The following EBF1 variants were observed in gnomAD, a reference collection of about 807,000 sequenced individuals.
EBF1 encodes the protein EBF transcription factor 1.
EBF1 carries 10 observed loss-of-function variants against 68.4 expected under a neutral mutation model. The observed-to-expected ratio is 0.15, with a 90% CI of 0.09 to 0.25. The LOEUF is 0.25. Ranked by LOEUF, EBF1 falls within the 10% of genes least tolerant of loss-of-function variation. The pLI, the probability that EBF1 is intolerant of heterozygous loss-of-function variation, is 1.00. For missense variants in EBF1, 509 were observed against 794.4 expected (o/e 0.64, Z 4.32); for synonymous variants, 298 against 299.8 (o/e 0.99, Z 0.06).
At chr5:158,761,217 A>G (rs181525965) in intron 10 of EBF1, among the ~76,000 whole-genome samples, 2 of 152,324 alleles carry the variant, frequency 1.3e-5, no homozygotes, top group African/African-American at 2.4e-5. Flanking sequence ...AGATAACTCT[A>G]TGCACCTTGG....
intron 9 of EBF1, among the ~76,000 whole-genome samples, chr5:158,779,451 T>G (rs1435677788): frequency 1.3e-5 from 2 of 152,158 alleles, no homozygotes; most frequent in African/African-American, 4.8e-5. Flanking sequence ...CCAAAGACTT[T>G]GTGTGTGTGT....
intron 5 of EBF1, among the ~76,000 whole-genome samples, chr5:159,082,953 A>G (rs1010857394): frequency 6.6e-6 from 1 of 152,268 alleles, no homozygotes; most frequent in African/African-American, 2.4e-5. Context: ...TTTAAAAACA[A>G]GAAAAATATA....
intron 6 of EBF1, among the ~76,000 whole-genome samples, chr5:159,000,530 G>A (rs1762329225): frequency 6.6e-6 from 1 of 152,038 alleles, no homozygotes; most frequent in Admixed American, 6.6e-5. Flanking sequence ...CTTGTGTATT[G>A]CAAACATTTT....
chr5:158,763,690 T>C (rs1772017406), intron 10 of EBF1, among the ~76,000 whole-genome samples: 1 of 152,188 alleles, frequency 6.6e-6, no homozygotes, highest in Non-Finnish European at 1.5e-5. Context: ...AAAGAGTTTA[T>C]CAAACGACCA....
intron 9 of EBF1, among the ~76,000 whole-genome samples, chr5:158,780,787 A>G (rs1287647580): frequency 1.3e-5 from 2 of 152,184 alleles, no homozygotes; most frequent in Non-Finnish European, 2.9e-5. Flanking sequence ...AGGAGTGATG[A>G]AAAGAGAAAC....
chr5:158,709,687 C>A (rs753015647), intron 14 of EBF1, among the ~76,000 whole-genome samples: 1 of 152,214 alleles, frequency 6.6e-6, no homozygotes, highest in Non-Finnish European at 1.5e-5. Context: ...GAGCCACCAT[C>A]CTCAGAGTTT....
chr5:158,707,782 G>A, intron 15 of EBF1, 197 bp downstream of exon 15: 1 of 619,362 alleles, frequency 1.6e-6, no homozygotes, highest in Non-Finnish European at 2.7e-6. Flanking sequence ...TCCAGCAGAG[G>A]AGAGATGAGT....
At chr5:158,937,013 A>G (rs191477382) in intron 6 of EBF1, among the ~76,000 whole-genome samples, 13 of 152,086 alleles carry the variant, frequency 8.5e-5, no homozygotes, top group Admixed American at 8.5e-4. Flanking sequence ...CTTGGCTTGG[A>G]GAATAGGCTG....
intron 6 of EBF1, among the ~76,000 whole-genome samples, chr5:158,969,911 A>G (rs1219106318): frequency 3.8e-5 from 4 of 106,006 alleles, no homozygotes; most frequent in Non-Finnish European, 8.2e-5. Flanking sequence ...AAAGAAAGAA[A>G]GAAAGAAAAA....
At chr5:158,879,892 G>GTC (rs763129028) in intron 6 of EBF1, among the ~76,000 whole-genome samples, 3 of 152,008 alleles carry the variant, frequency 2.0e-5, no homozygotes, top group Non-Finnish European at 4.4e-5. Context: ...TTCTGTGTCT[G>GTC]TCTCTCTCTC....
intron 9 of EBF1, among the ~76,000 whole-genome samples, chr5:158,794,175 T>C (rs984863053): frequency 6.6e-6 from 1 of 152,108 alleles, no homozygotes; most frequent in Non-Finnish European, 1.5e-5. Context: ...GCATGCATCC[T>C]CCACCCTCAG....
intron 6 of EBF1, among the ~76,000 whole-genome samples, chr5:158,904,882 T>G (rs903286763): frequency 1.3e-5 from 2 of 152,288 alleles, no homozygotes; most frequent in South Asian, 2.1e-4. Flanking sequence ...CAGGTGGCAT[T>G]TCAATTTGTT....
At chr5:158,994,566 A>G (rs1761036449) in intron 6 of EBF1, among the ~76,000 whole-genome samples, 1 of 152,232 alleles carries the variant, frequency 6.6e-6, no homozygotes, top group African/African-American at 2.4e-5. Context: ...TGAGTAAAGT[A>G]TAATATTTCT....
At chr5:158,972,649 T>C (rs1188189140) in intron 6 of EBF1, among the ~76,000 whole-genome samples, 2 of 152,200 alleles carry the variant, frequency 1.3e-5, no homozygotes, top group Non-Finnish European at 1.5e-5. Context: ...ATCTTCTTCA[T>C]TGCTTGGAAA....
chr5:158,947,943 T>A (rs886219744), intron 6 of EBF1, among the ~76,000 whole-genome samples: 2 of 152,214 alleles, frequency 1.3e-5, no homozygotes, highest in African/African-American at 4.8e-5. Flanking sequence ...AAAGCACTAG[T>A]TCTCTTGGTA....
intron 6 of EBF1, among the ~76,000 whole-genome samples, chr5:159,068,735 T>C (rs566613047): frequency 3.9e-5 from 6 of 152,246 alleles, no homozygotes; most frequent in African/African-American, 1.4e-4. Flanking sequence ...CAGATAATCA[T>C]AAAACAAACC....
At chr5:159,001,873 A>C (rs965282062) in intron 6 of EBF1, among the ~76,000 whole-genome samples, 4 of 152,092 alleles carry the variant, frequency 2.6e-5, no homozygotes, top group African/African-American at 9.7e-5. Flanking sequence ...ATGGGAGAAA[A>C]TTCTATCATT....
At chr5:158,826,437 T>C (rs1034125942) in intron 7 of EBF1, among the ~76,000 whole-genome samples, 2 of 152,164 alleles carry the variant, frequency 1.3e-5, no homozygotes. Context: ...TTGGACACGG[T>C]GAACAGGGAA....
chr5:159,000,952 CAAA>C (rs1762412130), intron 6 of EBF1, among the ~76,000 whole-genome samples: 1 of 152,094 alleles, frequency 6.6e-6, no homozygotes, highest in Non-Finnish European at 1.5e-5. Flanking sequence ...GGTGTGGTAT[CAAA>C]GAAGAATAGT....
Sources: gnomAD v4.1 joint callset for allele counts (sites outside exome capture counted in the v4.1 genomes callset) on GRCh38, gnomAD v4.1.1 for gene constraint, MANE v1.5 for transcripts, NCBI Gene and HGNC (gene_info 2026-07-23, HGNC 2026-07-21) for gene names.